CBLB: variants seen among roughly 807,000 people sequenced by gnomAD.
CBLB encodes Cbl proto-oncogene B.
CBLB carries 31 observed loss-of-function variants against 104.9 expected under a neutral mutation model. The observed-to-expected ratio is 0.30, with a 90% CI of 0.22 to 0.40. The LOEUF (loss-of-function observed/expected upper bound fraction) is 0.40. CBLB is among the 10% of genes least tolerant of loss of function. The pLI, the probability that CBLB is intolerant of heterozygous loss-of-function variation, is 1.00. For synonymous variants in CBLB, 440 were observed against 422.6 expected (o/e 1.04, Z -0.51); for missense variants, 1,062 against 1,214.6 (o/e 0.87, Z 1.87).
chr3:105,757,369 A>C (rs2077175740), intron 4 of CBLB, among the ~76,000 whole-genome samples: 1 of 152,214 alleles, frequency 6.6e-6, no homozygotes, highest in African/African-American at 2.4e-5. Context: ...TTTCCAAAAG[A>C]GTATAATTAG....
chr3:105,776,716 A>G (rs1407559394), intron 3 of CBLB, among the ~76,000 whole-genome samples, 174 bp from the exon 4 acceptor site: 1 of 152,246 alleles, frequency 6.6e-6, no homozygotes, highest in Non-Finnish European at 1.5e-5. Context: ...TTATGAAAAC[A>G]TTGTACATTT....
intron 3 of CBLB, among the ~76,000 whole-genome samples, chr3:105,849,790 T>C (rs756241921): frequency 1.3e-5 from 2 of 152,090 alleles, no homozygotes; most frequent in Non-Finnish European, 2.9e-5. Flanking sequence ...AATGGATGAC[T>C]TGGCTGGATC....
intron 13 of CBLB, 111 bp from the exon 14 acceptor site, chr3:105,685,577 T>C: frequency 1.2e-6 from 1 of 838,126 alleles, no homozygotes; most frequent in Non-Finnish European, 2.0e-6. Context: ...TGTTCATTTT[T>C]CAATTACAGG....
In CBLB at chr3:105,656,581, G is replaced by A. The variant is rs2063364098; in HGVS notation, c.*2389C>T. 1 of 186,392 alleles carries A rather than the reference G, an allele frequency of 5.4e-6. No homozygotes were observed. Among genetic ancestry groups the A allele is most frequent in the Non-Finnish European group, 1.1e-5 (1 of 87,932 alleles). The allele number at this position is 186,392 out of a possible 1,614,324, so 11.5% of individuals were successfully genotyped here. A position where few individuals can be genotyped will look rare whatever the true frequency, so the allele number is the denominator to read the frequency against. On this transcript the variant is annotated 3_prime_UTR_variant, in exon 19 of 19. Transcript: ENST00000394030. ...ACAAGATGCAGAGATTTTGCTGGAG[G>A]CTGGTAAATTTTCTCTGCAAAACAG...
intron 4 of CBLB, among the ~76,000 whole-genome samples, chr3:105,775,551 C>T (rs542584827): frequency 6.6e-6 from 1 of 152,286 alleles, no homozygotes; most frequent in South Asian, 2.1e-4. Context: ...TCCTTACTTA[C>T]TCAGCCAGGG....
chr3:105,857,044 T>C (rs2091687816), intron 2 of CBLB, among the ~76,000 whole-genome samples: 2 of 152,188 alleles, frequency 1.3e-5, no homozygotes, highest in Non-Finnish European at 2.9e-5. Flanking sequence ...AAACTTGGTG[T>C]AACATGTCAC....
At chr3:105,849,317 T>G (rs2090662202) in intron 3 of CBLB, among the ~76,000 whole-genome samples, 1 of 152,116 alleles carries the variant, frequency 6.6e-6, no homozygotes, top group Non-Finnish European at 1.5e-5. Context: ...ACATTGTCAG[T>G]AAACAGAACA....
intron 16 of CBLB, among the ~76,000 whole-genome samples, chr3:105,680,619 AG>A (rs2066201387): frequency 6.6e-6 from 1 of 152,208 alleles, no homozygotes; most frequent in African/African-American, 2.4e-5. Context: ...AGAGAACAGG[AG>A]CAAAAGATAC....
chr3:105,743,799 T>A (rs1403926945), intron 6 of CBLB, among the ~76,000 whole-genome samples: 6 of 151,812 alleles, frequency 4.0e-5, no homozygotes, highest in Non-Finnish European at 8.8e-5. Flanking sequence ...TTTTTTTTTA[T>A]TCATTAAGGG....
chr3:105,787,250 T>A (rs1321900111), intron 3 of CBLB, among the ~76,000 whole-genome samples: 2 of 152,186 alleles, frequency 1.3e-5, no homozygotes, highest in Non-Finnish European at 2.9e-5. Flanking sequence ...ATTCTACAGC[T>A]GAGTGGTGGT....
chr3:105,675,357 TA>T (rs1483431298), intron 17 of CBLB, among the ~76,000 whole-genome samples: 3 of 152,186 alleles, frequency 2.0e-5, no homozygotes, highest in African/African-American at 7.2e-5. Flanking sequence ...AGCATATTCT[TA>T]ATAAAGTCAA....
At chr3:105,755,732 T>C (rs1312648052) in intron 4 of CBLB, among the ~76,000 whole-genome samples, 1 of 152,194 alleles carries the variant, frequency 6.6e-6, no homozygotes, top group African/African-American at 2.4e-5. Context: ...CAAAAGCCTA[T>C]ACATTATGAC....
rs142010413 is a variant in CBLB, at chr3:105,656,457, T to C, written c.*2513A>G. The C allele has an allele frequency of 6.4e-3, 1,240 of 193,396 alleles. 6 individuals are homozygous for C. The highest frequency in any genetic ancestry group is 9.9e-3 in the Non-Finnish European group (915 of 92,786). 12.0% of individuals were successfully genotyped at this position (193,396 alleles called of 1,614,324 possible). On this transcript the variant is annotated 3_prime_UTR_variant, in exon 19 of 19. Coordinates refer to ENST00000394030, the MANE Select transcript of CBLB (RefSeq NM_170662.5). ...GTGATAGATAGCAATGGGTCTTTCT[T>C]GACAGTGTTTAATAGAAAGTTTTCC...
Position 105,702,115 on chromosome 3 carries a change from A to T in CBLB, c.1938T>A (p.Asp646Glu), listed in dbSNP as rs755439098. Residue 646 changes from aspartate (D) to glutamate (E), a missense_variant, in exon 12 of 19, where the codon GAT becomes GAA. Coordinates refer to ENST00000394030, the MANE Select transcript of CBLB (RefSeq NM_170662.5). ...PVLMRKHRRH[D>E]LPLEGAKVFS... ...TTACCTTAGCTCCTTCTAAAGGCAA[A>T]TCATGGCGTCTGTGTTTCCGCATAA... is the stretch of plus-strand genomic sequence containing the variant. 2.5e-6 allele frequency: 4 copies of T among 1,614,024 alleles called. No individual in the cohort carries two copies. Among genetic ancestry groups the T allele is most frequent in the Non-Finnish European group, 3.4e-6 (4 of 1,180,024 alleles).
At chr3:105,807,406 T>C (rs2083656769) in intron 3 of CBLB, among the ~76,000 whole-genome samples, 1 of 152,168 alleles carries the variant, frequency 6.6e-6, no homozygotes, top group Admixed American at 6.5e-5. Flanking sequence ...ATATTCTGCA[T>C]TACCAGTGAT....
chr3:105,669,355 C>T (rs2064824269), intron 18 of CBLB, among the ~76,000 whole-genome samples: 1 of 152,150 alleles, frequency 6.6e-6, no homozygotes, highest in Admixed American at 6.5e-5. Flanking sequence ...TGTGAGGACA[C>T]AGTATGAAGG....
At chr3:105,702,603 T>A in intron 11 of CBLB, 144 bp from the exon 12 acceptor site, 2 of 831,132 alleles carry the variant, frequency 2.4e-6, no homozygotes, top group Non-Finnish European at 1.8e-6. Context: ...TGCCATCTTT[T>A]AATAAGTTGC....
rs892497396 is a variant in CBLB at position 105,689,510 on chromosome 3, T to TA, written c.2054+3983dup. Among the ~76,000 whole-genome samples, 184 of 141,420 alleles carry TA rather than the reference T, an allele frequency of 1.3e-3. 4 individuals are homozygous for TA. The highest frequency in any genetic ancestry group is 8.8e-3 in the East Asian group (44 of 4,978). The allele number at this position is 141,420 out of a possible 152,430, so 92.8% of individuals were successfully genotyped here. A position where few individuals can be genotyped will look rare whatever the true frequency, so the allele number is the denominator to read the frequency against. ...AAGGCACACACACAAAAAAAATTCT[T>TA]AAAAAAAAAAAAAGATATTCCTCAG... On this transcript the variant is annotated intron_variant, in intron 13 of 18. Transcript: ENST00000394030.
Position 105,868,837 on chromosome 3 carries a change from G to T in CBLB, c.-116C>A. On this transcript the variant is annotated 5_prime_UTR_variant, in exon 1 of 19. Coordinates refer to ENST00000394030, the MANE Select transcript of CBLB (RefSeq NM_170662.5). ...GGGAGCCCCGGCTGGGAGTGGGATC[G>T]CTGAGAACAGCTCGCTCCCGAAGAA... 3.0e-6 allele frequency: 3 copies of T among 1,002,104 alleles called. No individual in the cohort carries two copies. Among genetic ancestry groups the T allele is most frequent in the Non-Finnish European group, 3.6e-6 (3 of 841,438 alleles). 62.1% of individuals were successfully genotyped at this position (1,002,104 alleles called of 1,614,324 possible). A position where few individuals can be genotyped will look rare whatever the true frequency, so the allele number is the denominator to read the frequency against.
Sources: allele counts gnomAD v4.1 joint callset (sites outside exome capture counted in the v4.1 genomes callset), GRCh38; gene constraint gnomAD v4.1.1; transcripts MANE v1.5; gene names NCBI Gene and HGNC (gene_info 2026-07-23, HGNC 2026-07-21).